Variants in CDH18 observed in about 807,000 individuals in gnomAD.
CDH18 encodes the protein cadherin-18.
In CDH18, 31 loss-of-function variants were observed where a neutral mutation model predicts 67.9. That is an observed-to-expected ratio of 0.46 (90% confidence interval 0.34 to 0.62). CDH18 has a LOEUF of 0.62. Ranked by LOEUF, CDH18 falls within the 20% of genes least tolerant of loss-of-function variation. The pLI is 0.01. For missense variants in CDH18, 890 were observed against 975.5 expected, an observed-to-expected ratio of 0.91 and a Z score of 1.17; for synonymous variants, 362 against 347.2, an observed-to-expected ratio of 1.04 and a Z score of -0.48.
intron 2 of CDH18, among the ~76,000 whole-genome samples, chr5:20,065,392 C>A (rs1580160738): frequency 6.6e-6 from 1 of 151,758 alleles, no homozygotes; most frequent in East Asian, 1.9e-4. Flanking sequence ...AGTAGATTTC[C>A]CATAATATCC....
chr5:20,122,494 A>G (rs937278269), intron 2 of CDH18, among the ~76,000 whole-genome samples: 2 of 152,192 alleles, frequency 1.3e-5, no homozygotes, highest in Admixed American at 1.3e-4. Context: ...AATTCCTAAA[A>G]TCAAAAGAAG....
At chr5:20,454,308 G>T (rs969986287) in intron 1 of CDH18, among the ~76,000 whole-genome samples, 1 of 151,850 alleles carries the variant, frequency 6.6e-6, no homozygotes, top group Non-Finnish European at 1.5e-5. Flanking sequence ...TTCTGGAAAG[G>T]TATAATTGGG....
In CDH18 at chr5:19,858,234, T is replaced by G. The variant is rs1784510784; in HGVS notation, c.-256-18992A>C. On this transcript the variant is annotated intron_variant, in intron 2 of 12. Coordinates refer to ENST00000382275, the MANE Select transcript of CDH18 (RefSeq NM_004934.5). Reference sequence around the variant, plus strand: ...TTAAAGATTTTAATTCACAATTGTTTGAAAGAGTTATTATTTAAAGACCTG... The same window carrying G: ...TTAAAGATTTTAATTCACAATTGTTGGAAAGAGTTATTATTTAAAGACCTG... Among the ~76,000 whole-genome samples, 5 of 152,300 alleles carry G rather than the reference T, an allele frequency of 3.3e-5. No homozygotes were observed. The South Asian group carries it at 1.0e-3, about 32-fold the overall frequency.
intron 2 of CDH18, among the ~76,000 whole-genome samples, chr5:20,104,553 T>C (rs1328666620): frequency 2.0e-5 from 3 of 152,096 alleles, no homozygotes; most frequent in Non-Finnish European, 4.4e-5. Flanking sequence ...ATAAAACAAC[T>C]AGTTTTTAGA....
chr5:20,441,353 C>G (rs7706144), intron 1 of CDH18, among the ~76,000 whole-genome samples: 36,664 of 151,494 alleles, frequency 0.24, 4,819 homozygotes, highest in East Asian at 0.3. Context: ...ACGGGAGGGT[C>G]GCTATAATTG....
At chr5:20,124,886 G>T (rs1299684332) in intron 2 of CDH18, among the ~76,000 whole-genome samples, 6 of 152,114 alleles carry the variant, frequency 3.9e-5, no homozygotes. Flanking sequence ...ACTTAAAGAA[G>T]TATTAGATTG....
intron 2 of CDH18, among the ~76,000 whole-genome samples, chr5:20,128,436 A>C (rs1305644053): frequency 3.3e-5 from 5 of 152,134 alleles, no homozygotes; most frequent in Non-Finnish European, 7.3e-5. Flanking sequence ...CTGTGGTATT[A>C]AGCCACTCAA....
At chr5:19,535,029 T>G (rs1207573520) in intron 9 of CDH18, among the ~76,000 whole-genome samples, 1 of 152,166 alleles carries the variant, frequency 6.6e-6, no homozygotes, top group African/African-American at 2.4e-5. Context: ...CCCAGTCACA[T>G]TTTGAAATAA....
At chr5:19,571,946 G>A in intron 7 of CDH18, 114 bp from the exon 8 acceptor site, 1 of 791,980 alleles carries the variant, frequency 1.3e-6, no homozygotes, top group Non-Finnish European at 2.0e-6. Context: ...AATTGAGAGA[G>A]AGATAAGTCA....
chr5:20,049,232 A>T (rs1019045504), intron 2 of CDH18, among the ~76,000 whole-genome samples: 6 of 151,746 alleles, frequency 4.0e-5, no homozygotes, highest in Admixed American at 1.3e-4. Flanking sequence ...GAACTCAGGA[A>T]GTCAGGCAGC....
chr5:19,732,254 A>G (rs1032345287), intron 4 of CDH18, among the ~76,000 whole-genome samples: 4 of 152,134 alleles, frequency 2.6e-5, no homozygotes, highest in South Asian at 2.1e-4. Context: ...CAGCCTGGGC[A>G]ACATAGAGAT....
intron 2 of CDH18, among the ~76,000 whole-genome samples, chr5:20,067,968 C>G (rs111946766): frequency 0.021 from 3,137 of 152,016 alleles, 49 homozygotes; most frequent in African/African-American, 0.035. Flanking sequence ...TATATTGTGA[C>G]CTATTGTGAC....
chr5:19,724,761 T>C (rs1362839359), intron 4 of CDH18, among the ~76,000 whole-genome samples: 1 of 152,176 alleles, frequency 6.6e-6, no homozygotes, highest in African/African-American at 2.4e-5. Flanking sequence ...ACTCCATTCT[T>C]AGAGAGGTAG....
At chr5:19,982,590 G>A (rs551175976) in intron 1 of CDH18, among the ~76,000 whole-genome samples, 1 of 152,082 alleles carries the variant, frequency 6.6e-6, no homozygotes, top group East Asian at 1.9e-4. Context: ...ATTCCCACAA[G>A]TTGTATATAA....
intron 1 of CDH18, among the ~76,000 whole-genome samples, chr5:20,428,969 A>G (rs1026627214): frequency 1.3e-5 from 2 of 152,192 alleles, no homozygotes; most frequent in African/African-American, 4.8e-5. Context: ...CTGAGTGAAG[A>G]TATAATCTTC....
intron 4 of CDH18, among the ~76,000 whole-genome samples, chr5:19,728,210 T>C (rs907027244): frequency 3.9e-5 from 6 of 152,162 alleles, no homozygotes; most frequent in Non-Finnish European, 1.5e-5. Flanking sequence ...AGATAATTGG[T>C]TTCCCAATTA....
intron 2 of CDH18, among the ~76,000 whole-genome samples, chr5:20,073,898 C>T (rs2150529375): frequency 6.6e-6 from 1 of 152,128 alleles, no homozygotes; most frequent in East Asian, 1.9e-4. Flanking sequence ...GGAAGTCCTA[C>T]CATTTATATT....
intron 2 of CDH18, among the ~76,000 whole-genome samples, chr5:20,155,948 A>G (rs1751491075): frequency 6.6e-6 from 1 of 152,112 alleles, no homozygotes; most frequent in African/African-American, 2.4e-5. Context: ...TTTTCCAAGA[A>G]GATATACAAG....
intron 5 of CDH18, among the ~76,000 whole-genome samples, chr5:19,612,972 C>A (rs1270541873): frequency 6.6e-6 from 1 of 151,422 alleles, no homozygotes; most frequent in African/African-American, 2.4e-5. Flanking sequence ...AACCCCGTCT[C>A]TACTAAAAAT....
Sources: gnomAD v4.1 joint callset for allele counts (sites outside exome capture counted in the v4.1 genomes callset) on GRCh38, gnomAD v4.1.1 for gene constraint, MANE v1.5 for transcripts, NCBI Gene and HGNC (gene_info 2026-07-23, HGNC 2026-07-21) for gene names.